Variants in RFX3 observed in about 807,000 individuals in gnomAD.
RFX3 encodes the protein regulatory factor X3.
RFX3 carries 14 observed loss-of-function variants against 98.6 expected under a neutral mutation model. The ratio of observed to expected loss-of-function variants is 0.14; its 90% CI spans 0.09 to 0.22. The LOEUF (loss-of-function observed/expected upper bound fraction) is 0.22, where lower values mean the gene tolerates loss of function less well. Ranked by LOEUF, RFX3 falls within the 10% of genes least tolerant of loss-of-function variation. RFX3 has a pLI of 1.00. For missense variants in RFX3, 639 were observed against 926.9 expected (o/e 0.69, Z 4.03); for synonymous variants, 383 against 328.4 (o/e 1.17, Z -1.80).
chr9:3,256,909 G>T, intron 14 of RFX3, 82 bp downstream of exon 14: 3 of 1,285,552 alleles, frequency 2.3e-6, no homozygotes, highest in Non-Finnish European at 2.2e-6. Context: ...CTTTTCTTTT[G>T]TCACAGAAGC....
At chr9:3,345,613 T>C (rs922999913) in intron 3 of RFX3, among the ~76,000 whole-genome samples, 1 of 152,192 alleles carries the variant, frequency 6.6e-6, no homozygotes, top group Non-Finnish European at 1.5e-5. Flanking sequence ...AGTGAAATTA[T>C]TCTCCTTCCC....
intron 2 of RFX3, among the ~76,000 whole-genome samples, chr9:3,362,710 G>A (rs1351323080): frequency 6.6e-6 from 1 of 152,178 alleles, no homozygotes; most frequent in African/African-American, 2.4e-5. Flanking sequence ...TAGGGTCCTG[G>A]CTCTCTTGAC....
intron 1 of RFX3, among the ~76,000 whole-genome samples, chr9:3,410,161 CTGTGTGTG>C (rs555349379): frequency 1.5e-3 from 166 of 114,122 alleles, no homozygotes; most frequent in East Asian, 7.8e-3. Flanking sequence ...GTGAGATAAA[CTGTGTGTG>C]TGTGTGTGTG....
At chr9:3,462,109 A>G (rs931617531) in intron 1 of RFX3, among the ~76,000 whole-genome samples, 3 of 152,018 alleles carry the variant, frequency 2.0e-5, no homozygotes, top group East Asian at 1.9e-4. Context: ...TTAAAAAAGA[A>G]AAAAGTGACA....
intron 1 of RFX3, among the ~76,000 whole-genome samples, chr9:3,485,018 G>A (rs971955928): frequency 2.0e-5 from 3 of 151,858 alleles, no homozygotes; most frequent in African/African-American, 2.4e-5. Context: ...AGGCTGAAGC[G>A]GGAAGACTGC....
intron 1 of RFX3, among the ~76,000 whole-genome samples, chr9:3,410,287 T>C (rs2132158729): frequency 6.6e-6 from 1 of 151,726 alleles, no homozygotes; most frequent in Admixed American, 6.6e-5. Flanking sequence ...TGTTTTTCTC[T>C]ATCTACCAAA....
intron 2 of RFX3, 65 bp from the exon 3 acceptor site, chr9:3,346,829 A>T: frequency 2.1e-6 from 2 of 957,890 alleles, no homozygotes; most frequent in Admixed American, 1.8e-5. Flanking sequence ...AGAGCATTAG[A>T]TCTATCTCAA....
intron 5 of RFX3, 97 bp from the exon 6 acceptor site, chr9:3,293,355 T>G: frequency 1.2e-6 from 1 of 869,408 alleles, no homozygotes; most frequent in South Asian, 1.9e-5. Flanking sequence ...TACTTAGAAG[T>G]TCTTCATCAA....
At chr9:3,315,706 T>C (rs200687938) in intron 4 of RFX3, among the ~76,000 whole-genome samples, 6 of 152,026 alleles carry the variant, frequency 3.9e-5, no homozygotes, top group Non-Finnish European at 7.4e-5. Context: ...ACCACCGATC[T>C]CATAGAAATA....
At chr9:3,304,643 T>C (rs1357344403) in intron 4 of RFX3, among the ~76,000 whole-genome samples, 1 of 152,032 alleles carries the variant, frequency 6.6e-6, no homozygotes, top group Non-Finnish European at 1.5e-5. Flanking sequence ...CGAGATCTGA[T>C]GGCTTTATAA....
At chr9:3,228,991 T>G in intron 15 of RFX3, 102 bp from the exon 16 acceptor site, 3 of 900,728 alleles carry the variant, frequency 3.3e-6, no homozygotes, top group Middle Eastern at 2.5e-4. Context: ...TCTTTAAAAC[T>G]GTAAACTAGT....
intron 2 of RFX3, among the ~76,000 whole-genome samples, chr9:3,372,646 T>C (rs12004573): frequency 0.33 from 49,495 of 151,116 alleles, 13,236 homozygotes; most frequent in African/African-American, 0.74. Flanking sequence ...CCCCCAGGTT[T>C]GAGAGATTCT....
chr9:3,504,132 T>A (rs991353582), intron 1 of RFX3, among the ~76,000 whole-genome samples: 7 of 124,636 alleles, frequency 5.6e-5, no homozygotes, highest in Admixed American at 8.2e-5. Flanking sequence ...TCTCTCTTTA[T>A]ATATATTATA....
chr9:3,440,610 C>T (rs1390141624), intron 1 of RFX3, among the ~76,000 whole-genome samples: 1 of 152,152 alleles, frequency 6.6e-6, no homozygotes, highest in African/African-American at 2.4e-5. Context: ...AGAGGTATAA[C>T]TTGTTCATGG....
At chr9:3,355,280 A>G (rs1230427858) in intron 2 of RFX3, among the ~76,000 whole-genome samples, 1 of 151,900 alleles carries the variant, frequency 6.6e-6, no homozygotes, top group Non-Finnish European at 1.5e-5. Context: ...GAGTGGGTAA[A>G]AATGGGTGAG....
chr9:3,431,824 C>T (rs1267012716), intron 1 of RFX3, among the ~76,000 whole-genome samples: 1 of 152,004 alleles, frequency 6.6e-6, no homozygotes, highest in African/African-American at 2.4e-5. Context: ...AGAAAATCAT[C>T]GAGGAGAAAG....
At chr9:3,523,576 G>C (rs1407423802) in intron 1 of RFX3, among the ~76,000 whole-genome samples, 1 of 152,036 alleles carries the variant, frequency 6.6e-6, no homozygotes, top group African/African-American at 2.4e-5. Context: ...AAAGTTCTCA[G>C]ACACTGTAAA....
chr9:3,420,977 G>T, intron 1 of RFX3: 13 of 751,804 alleles, frequency 1.7e-5, no homozygotes, highest in Non-Finnish European at 2.1e-5. Flanking sequence ...AAGGAGTAAT[G>T]AAATCTGTGG....
chr9:3,422,590 T>C (rs1431113244), intron 1 of RFX3, among the ~76,000 whole-genome samples: 4 of 152,210 alleles, frequency 2.6e-5, no homozygotes, highest in Non-Finnish European at 4.4e-5. Context: ...CAGATCAAAT[T>C]CAACAACTTG....
Sources: gnomAD v4.1 joint callset for allele counts (sites outside exome capture counted in the v4.1 genomes callset) on GRCh38, gnomAD v4.1.1 for gene constraint, MANE v1.5 for transcripts, NCBI Gene and HGNC (gene_info 2026-07-23, HGNC 2026-07-21) for gene names.